The following COL6A3 variants were observed in gnomAD, a reference collection of about 807,000 sequenced individuals.
COL6A3 encodes collagen alpha-3(VI) chain.
COL6A3 carries 137 observed loss-of-function variants against 274.1 expected under a neutral mutation model. The ratio of observed to expected loss-of-function variants is 0.50; its 90% CI spans 0.44 to 0.58. COL6A3 has a LOEUF of 0.58. Ranked by LOEUF, COL6A3 falls within the 20% of genes least tolerant of loss-of-function variation. COL6A3 has a pLI of 0.00. For synonymous variants in COL6A3, 1,650 were observed against 1,650.6 expected (o/e 1.00, Z 0.01); for missense variants, 3,950 against 4,124.9 (o/e 0.96, Z 1.16).
chr2:237,358,616 T>C (rs757739178), intron 20 of COL6A3, 33 bp from the exon 21 acceptor site: 8 of 1,562,814 alleles, frequency 5.1e-6, no homozygotes, highest in South Asian at 3.3e-5. Context: ...TGCTAAAAAC[T>C]AGATGTTTCC....
chr2:237,388,848 T>C (rs886106789), intron 3 of COL6A3, among the ~76,000 whole-genome samples: 5 of 152,218 alleles, frequency 3.3e-5, no homozygotes, highest in Non-Finnish European at 5.9e-5. Flanking sequence ...ATGAAATTTT[T>C]GTTGTTCTTT....
At chr2:237,392,257 C>A (rs1434905654) in intron 3 of COL6A3, among the ~76,000 whole-genome samples, 1 of 152,246 alleles carries the variant, frequency 6.6e-6, no homozygotes. Context: ...CAAGTTCTGC[C>A]TGCTCAAGAC....
At chr2:237,326,766 TGCGGAGGTG>T (rs1699967912) in intron 42 of COL6A3, 1 of 152,222 alleles carries the variant, frequency 6.6e-6, no homozygotes, top group South Asian at 2.1e-4. Flanking sequence ...TGCTCACAGC[TGCGGAGGTG>T]GTGAGCATCT....
intron 23 of COL6A3, among the ~76,000 whole-genome samples, chr2:237,356,300 T>C (rs2077315099): frequency 6.6e-6 from 1 of 152,206 alleles, no homozygotes; most frequent in Non-Finnish European, 1.5e-5. Context: ...TTTCATTATA[T>C]AGCATTATTC....
At position 237,364,508 on chromosome 2, in the gene COL6A3, G is replaced by T; in HGVS notation, c.5839-80C>A. 4 of 1,064,758 alleles carry T rather than the reference G, an allele frequency of 3.8e-6. No individual in the cohort carries two copies. Among genetic ancestry groups the T allele is most frequent in the East Asian group, 2.4e-5 (1 of 42,306 alleles). The allele number at this position is 1,064,758 out of a possible 1,614,324, so 66.0% of individuals were successfully genotyped here. On this transcript the variant is annotated intron_variant, in intron 12 of 43. Transcript: ENST00000295550. The surrounding 1 kb of genome is among the most constrained non-coding windows in gnomAD (Gnocchi z 4.6). ...CTGCTGATAGAAAACTGAGAGACTC[G>T]CTGTCTCAAGCCCTTCATTTTACAC...
In COL6A3 at chr2:237,324,443, T is replaced by C. The variant is rs1439246352; in HGVS notation, c.*331A>G. 3.3e-6 allele frequency: 1 copy of C among 304,320 alleles called. No individual in the cohort carries two copies. The highest frequency in any genetic ancestry group is 6.3e-6 in the Non-Finnish European group (1 of 158,886). 18.9% of individuals were successfully genotyped at this position (304,320 alleles called of 1,614,324 possible). A position where few individuals can be genotyped will look rare whatever the true frequency, so the allele number is the denominator to read the frequency against. ...GTGACATTTGCATTATTTTCTAGAC[T>C]TTACATTTGCCTGCAACAGGCATAA... On this transcript the variant is annotated 3_prime_UTR_variant, in exon 44 of 44. Transcript: ENST00000295550.
intron 20 of COL6A3, 126 bp from the exon 21 acceptor site, chr2:237,358,709 G>A: frequency 1.1e-6 from 1 of 923,950 alleles, no homozygotes; most frequent in Non-Finnish European, 1.8e-6. Context: ...CATTCACCAT[G>A]AAGGCAAATT....
Position 237,339,038 on chromosome 2 carries a change from A to G in COL6A3, c.8544T>C (p.Leu2848=). 1 of 1,614,076 alleles carries G rather than the reference A, an allele frequency of 6.2e-7. No homozygotes were observed. The highest frequency in any genetic ancestry group is 8.5e-7 in the Non-Finnish European group (1 of 1,179,930). The change falls in exon 39 of 44, where the codon CTT becomes CTC. Residue 2848 remains leucine (L), a synonymous_variant. Coordinates refer to ENST00000295550, the MANE Select transcript of COL6A3 (RefSeq NM_004369.4). The part of the protein sequence containing the change: ...WFQGDQPTKN[L]VKFGHKQVNV... ...ACACTTGTTTGTGACCAAACTTCAC[A>G]AGGTTCTTTGTGGGTTGGTCCCCTT...
rs146199569 is a variant in COL6A3, at chr2:237,398,597, A to G, written c.-30-1750T>C. Reference sequence around the variant, plus strand: ...TTCTGGTTTCCTTTAACTTTTTCTTAGACCACAGACGGGGCTGCCCACAGG... The same window carrying G: ...TTCTGGTTTCCTTTAACTTTTTCTTGGACCACAGACGGGGCTGCCCACAGG... On this transcript the variant is annotated intron_variant, in intron 1 of 43. Transcript: ENST00000295550. 1.2e-3 allele frequency among the ~76,000 whole-genome samples: 177 copies of G among 152,282 alleles called. 1 individual carries two copies. Among genetic ancestry groups the G allele is most frequent in the Admixed American group, 1.9e-3 (29 of 15,288 alleles).
Position 237,336,523 on chromosome 2 carries a change from C to T in COL6A3, c.8577G>A (p.Pro2859=), listed in dbSNP as rs1176768372. The T allele has an allele frequency of 6.2e-6, 10 of 1,614,110 alleles. No individual in the cohort carries two copies. Among genetic ancestry groups the T allele is most frequent in the Admixed American group, 1.7e-5 (1 of 60,016 alleles). The change falls in exon 40 of 44, where the codon CCG becomes CCA. Residue 2859 remains proline (P), a synonymous_variant. Coordinates refer to ENST00000295550, the MANE Select transcript of COL6A3 (RefSeq NM_004369.4). ...ATGTAGGACTTGAAGTAACGTTATT[C>T]GGAACATTTCTGTTAAGACAAATTA... ...VKFGHKQVNV[P]NNVTSSPTSN...
chr2:237,397,833 C>G (rs1574763223), intron 1 of COL6A3, among the ~76,000 whole-genome samples: 1 of 152,196 alleles, frequency 6.6e-6, no homozygotes, highest in Non-Finnish European at 1.5e-5. Flanking sequence ...ATTTTTGAAT[C>G]TAGTGACTAT....
At chr2:237,403,740 G>A (rs1028145844) in intron 1 of COL6A3, among the ~76,000 whole-genome samples, 14 of 151,946 alleles carry the variant, frequency 9.2e-5, no homozygotes, top group African/African-American at 3.1e-4. Context: ...GCTTTAGCCC[G>A]GTCGCAGCAC....
Position 237,336,123 on chromosome 2 carries a change from G to A in COL6A3, c.8965+12C>T, listed in dbSNP as rs1700529142. The A allele has an allele frequency of 3.7e-6, 6 of 1,613,164 alleles. No homozygotes were observed. The highest frequency in any genetic ancestry group is 1.3e-5 in the African/African-American group (1 of 74,942). ...TGTCACAAGATGGCAGCCCTAGCAA[G>A]GGCTTTCTTACCCATGGGCTTAGTG... On this transcript the variant is annotated intron_variant, in intron 40 of 43. Coordinates refer to ENST00000295550, the MANE Select transcript of COL6A3 (RefSeq NM_004369.4).
At chr2:237,405,724 C>CT (rs769882207) in intron 1 of COL6A3, among the ~76,000 whole-genome samples, 2 of 152,134 alleles carry the variant, frequency 1.3e-5, no homozygotes, top group Non-Finnish European at 2.9e-5. Context: ...ATTTCCAAAG[C>CT]TCATGGGAAG....
At chr2:237,360,988 A>G (rs1440620018) in intron 16 of COL6A3, 133 bp downstream of exon 16, 3 of 782,068 alleles carry the variant, frequency 3.8e-6, no homozygotes, top group African/African-American at 1.7e-5. Flanking sequence ...TGTTAAGAAA[A>G]GTATAAATTA....
chr2:237,411,301 G>A (rs143359343), intron 1 of COL6A3, among the ~76,000 whole-genome samples: 2 of 152,170 alleles, frequency 1.3e-5, no homozygotes, highest in African/African-American at 2.4e-5. Context: ...GAAGTGTCAC[G>A]CAATAGTATT....
chr2:237,406,190 T>G (rs1350672299), intron 1 of COL6A3, among the ~76,000 whole-genome samples: 1 of 152,174 alleles, frequency 6.6e-6, no homozygotes, highest in Non-Finnish European at 1.5e-5. Context: ...CATATTCCAA[T>G]GAATATGATT....
intron 38 of COL6A3, 35 bp from the exon 39 acceptor site, chr2:237,339,152 C>T (rs1447000719): frequency 7.1e-7 from 1 of 1,413,340 alleles, no homozygotes; most frequent in Admixed American, 1.7e-5. Flanking sequence ...AATTGAACCG[C>T]ATGCTAATAA....
chr2:237,336,590 G>T lies in COL6A3; in HGVS notation c.8568-58C>A, dbSNP rs181685537. 696 of 1,569,762 alleles carry T rather than the reference G, an allele frequency of 4.4e-4. 5 individuals carry two copies. In the African/African-American group the frequency reaches 8.6e-3, roughly 19 times the overall value. On this transcript the variant is annotated intron_variant, in intron 39 of 43. Coordinates refer to ENST00000295550, the MANE Select transcript of COL6A3 (RefSeq NM_004369.4). ...TTACCTGCTATCTAAAATAAATAAAGACATAACCCCATGAGCTACATTAAA... is the reference window on the plus strand; with the variant it reads ...TTACCTGCTATCTAAAATAAATAAATACATAACCCCATGAGCTACATTAAA...
Sources: allele counts gnomAD v4.1 joint callset (sites outside exome capture counted in the v4.1 genomes callset), GRCh38; gene constraint gnomAD v4.1.1; non-coding constraint Gnocchi (gnomAD v3.1); transcripts MANE v1.5; gene names NCBI Gene and HGNC (gene_info 2026-07-23, HGNC 2026-07-21).